The following PTPRF variants were observed in gnomAD, a reference collection of about 807,000 sequenced individuals.
PTPRF encodes the protein receptor-type tyrosine-protein phosphatase F.
A neutral mutation model predicts 201.8 loss-of-function variants in PTPRF; 59 were observed. The ratio of observed to expected loss-of-function variants is 0.29; its 90% CI spans 0.24 to 0.36. The LOEUF (loss-of-function observed/expected upper bound fraction) is 0.36. Ranked by LOEUF, PTPRF falls within the 10% of genes least tolerant of loss-of-function variation. The probability of loss-of-function intolerance (pLI) is 1.00; values close to 1 mark genes in which losing one functional copy is unlikely to be tolerated. For missense variants in PTPRF, 2,132 were observed against 2,690.5 expected (o/e 0.79, Z 4.59); for synonymous variants, 1,088 against 1,089.7 (o/e 1.00, Z 0.03).
intron 6 of PTPRF, among the ~76,000 whole-genome samples, chr1:43,570,534 G>A (rs117895483): frequency 6.6e-6 from 1 of 152,382 alleles, no homozygotes; most frequent in African/African-American, 2.4e-5. Flanking sequence ...CCTCGGGCAG[G>A]ATGGCCAGTG....
rs370333063 is a variant in PTPRF at position 43,553,778 on chromosome 1, C to T, written c.238-22C>T. On this transcript the variant is annotated intron_variant, in intron 4 of 33. Coordinates refer to ENST00000359947, the MANE Select transcript of PTPRF (RefSeq NM_002840.5). This position sits in a 1 kb window ranked among gnomAD's most constrained non-coding sequence, Gnocchi z 4.1. ...CTCCTGTGTCCTGAGTAGGCTGTGA[C>T]CCCATGTCTGTCCTCTGACAGGTCA... 6.2e-7 allele frequency: 1 copy of T among 1,613,982 alleles called. No homozygotes were observed. The highest frequency in any genetic ancestry group is 8.5e-7 in the Non-Finnish European group (1 of 1,179,964).
At chr1:43,575,986 C>T in intron 6 of PTPRF, 1 of 1,349,454 alleles carries the variant, frequency 7.4e-7, no homozygotes. Flanking sequence ...GTCACCTCCA[C>T]TCCATCCCGT....
At position 43,623,382 on chromosome 1, in the gene PTPRF, C is replaced by T. The variant is rs900771133; in HGVS notation, c.*1379C>T. 3.3e-5 allele frequency: 5 copies of T among 152,612 alleles called. No homozygotes were observed. The highest frequency in any genetic ancestry group is 1.2e-4 in the African/African-American group (5 of 41,426). 9.5% of individuals were successfully genotyped at this position (152,612 alleles called of 1,614,324 possible). A position where few individuals can be genotyped will look rare whatever the true frequency, so the allele number is the denominator to read the frequency against. On this transcript the variant is annotated 3_prime_UTR_variant, in exon 34 of 34. Transcript: ENST00000359947. ...AGGGGCAGGGAGAGCGCCTCTTCCT[C>T]TGGGCAGCGCTATCTAGATAGGTAA...
At chr1:43,613,316 C>G (rs1656946383) in intron 22 of PTPRF, 1 of 367,894 alleles carries the variant, frequency 2.7e-6, no homozygotes, top group Non-Finnish European at 5.2e-6. Context: ...GCGTCCCACC[C>G]CTCCTGGGAG....
Position 43,588,698 on chromosome 1 carries a change from G to A in PTPRF, c.680-33G>A, listed in dbSNP as rs114152627. ...TTCCATGCAGTCGTGTGTCCTGCCC[G>A]GCCTGTGAGTGCCTCTCTCCCTCCT... On this transcript the variant is annotated intron_variant, in intron 7 of 33. Coordinates refer to ENST00000359947, the MANE Select transcript of PTPRF (RefSeq NM_002840.5). This position sits in a 1 kb window ranked among gnomAD's most constrained non-coding sequence, Gnocchi z 5.3. The A allele has an allele frequency of 8.6e-4, 1,380 of 1,608,556 alleles. 13 individuals are homozygous for A. In the African/African-American group the frequency reaches 0.017, roughly 19 times the overall value.
At chr1:43,558,560 C>T (rs1645555454) in intron 5 of PTPRF, among the ~76,000 whole-genome samples, 1 of 152,172 alleles carries the variant, frequency 6.6e-6, no homozygotes, top group South Asian at 2.1e-4. Flanking sequence ...AGCGTGGGGC[C>T]CGCCGCCCAG....
chr1:43,528,593 ACT>A (rs1471697810), upstream of PTPRF: 1 of 151,734 alleles, frequency 6.6e-6, no homozygotes, highest in Admixed American at 6.6e-5. Flanking sequence ...AAAGCCAGAA[ACT>A]CTCTGCATGT....
intron 5 of PTPRF, among the ~76,000 whole-genome samples, chr1:43,567,948 T>C (rs1646296731): frequency 6.6e-6 from 1 of 152,078 alleles, no homozygotes; most frequent in Admixed American, 6.5e-5. Flanking sequence ...TTGCCCCACA[T>C]TGGGTGTGTC....
intron 3 of PTPRF, among the ~76,000 whole-genome samples, chr1:43,550,373 G>C (rs990173595): frequency 1.4e-5 from 2 of 147,658 alleles, no homozygotes; most frequent in African/African-American, 2.5e-5. Context: ...GCCCCCAGGC[G>C]CACTCGCCCG....
rs1342290136 is a variant in PTPRF at position 43,542,918 on chromosome 1, C to T, written c.-45-2113C>T. 6.6e-6 allele frequency among the ~76,000 whole-genome samples: 1 copy of T among 152,126 alleles called. No individual in the cohort carries two copies. Among genetic ancestry groups the T allele is most frequent in the Non-Finnish European group, 1.5e-5 (1 of 68,020 alleles). ...TATTTTCATAGCAGGGAGATATGCT[C>T]ATGCTGGGGGCCTATGTCCCTATGA... On this transcript the variant is annotated intron_variant, in intron 2 of 33. Coordinates refer to ENST00000359947, the MANE Select transcript of PTPRF (RefSeq NM_002840.5). The surrounding 1 kb of genome is among the most constrained non-coding windows in gnomAD (Gnocchi z 5.2).
upstream of PTPRF, among the ~76,000 whole-genome samples, chr1:43,523,437 T>G (rs1643011061): frequency 6.6e-6 from 1 of 151,960 alleles, no homozygotes; most frequent in South Asian, 2.1e-4. Flanking sequence ...ACAGGAGCAC[T>G]TGATGGATTG....
upstream of PTPRF, among the ~76,000 whole-genome samples, chr1:43,529,087 G>A (rs924768958): frequency 1.3e-5 from 2 of 152,052 alleles, no homozygotes; most frequent in Non-Finnish European, 2.9e-5. Flanking sequence ...TAAAATTTGG[G>A]GGCCGAGAGG....
chr1:43,534,649 G>C (rs1643894200), intron 1 of PTPRF, among the ~76,000 whole-genome samples: 1 of 152,116 alleles, frequency 6.6e-6, no homozygotes, highest in African/African-American at 2.4e-5. Context: ...TGAGGTACTT[G>C]GGACATTGGA....
chr1:43,607,281 C>A (rs1263947168), intron 21 of PTPRF, among the ~76,000 whole-genome samples: 1 of 152,232 alleles, frequency 6.6e-6, no homozygotes, highest in African/African-American at 2.4e-5. Flanking sequence ...TCTGTCTCCT[C>A]TTCAGTTTTA....
intron 3 of PTPRF, among the ~76,000 whole-genome samples, chr1:43,545,883 C>A (rs1039890697): frequency 6.6e-6 from 1 of 152,206 alleles, no homozygotes; most frequent in Non-Finnish European, 1.5e-5. Context: ...GCTGCCCTTC[C>A]CCCTGCCTGG....
chr1:43,544,529 G>T (rs541447924), intron 2 of PTPRF, among the ~76,000 whole-genome samples: 398 of 152,300 alleles, frequency 2.6e-3, no homozygotes, highest in African/African-American at 9.0e-3. Flanking sequence ...CCTCCCTGCT[G>T]GGGAGAGGAG....
At chr1:43,540,715 C>T (rs770454755) in intron 2 of PTPRF, among the ~76,000 whole-genome samples, 5 of 152,214 alleles carry the variant, frequency 3.3e-5, no homozygotes, top group South Asian at 2.1e-4. Context: ...GTGGGAGCCC[C>T]GATACCAGCC....
chr1:43,562,551 C>T (rs1227829228), intron 5 of PTPRF, among the ~76,000 whole-genome samples: 1 of 152,018 alleles, frequency 6.6e-6, no homozygotes, highest in Admixed American at 6.6e-5. Context: ...GGATTACAGG[C>T]ATGGACCACC....
At chr1:43,611,239 A>G (rs1053919522) in intron 22 of PTPRF, among the ~76,000 whole-genome samples, 23 of 152,182 alleles carry the variant, frequency 1.5e-4, no homozygotes, top group Non-Finnish European at 2.8e-4. Context: ...GGCTGTTGCA[A>G]CCCAGCATGA....
Sources: allele counts gnomAD v4.1 joint callset (sites outside exome capture counted in the v4.1 genomes callset), GRCh38; gene constraint gnomAD v4.1.1; non-coding constraint Gnocchi (gnomAD v3.1); transcripts MANE v1.5; gene names NCBI Gene and HGNC (gene_info 2026-07-23, HGNC 2026-07-21).